CNTNAP2: variants seen among roughly 807,000 people sequenced by gnomAD.
The protein encoded by CNTNAP2 is contactin-associated protein-like 2.
Under a neutral mutation model 155.2 loss-of-function variants are expected in CNTNAP2, and 98 were observed. The observed-to-expected ratio is 0.63, with a 90% CI of 0.54 to 0.75. The LOEUF (loss-of-function observed/expected upper bound fraction) is 0.75, where lower values mean the gene tolerates loss of function less well. Among genes scored for constraint, CNTNAP2 ranks in the 30% least tolerant of loss-of-function variants. CNTNAP2 has a pLI of 0.00. For synonymous variants in CNTNAP2, 651 were observed against 631.2 expected (o/e 1.03, Z -0.47); for missense variants, 1,727 against 1,688.1 (o/e 1.02, Z -0.40).
chr7:146,374,926 T>C (rs1214790570), intron 1 of CNTNAP2, among the ~76,000 whole-genome samples: 2 of 152,226 alleles, frequency 1.3e-5, no homozygotes, highest in African/African-American at 2.4e-5. Context: ...TACGCTGATA[T>C]GCTAGTTTAA....
chr7:147,328,699 TC>T (rs1795503615), intron 9 of CNTNAP2, among the ~76,000 whole-genome samples: 1 of 152,222 alleles, frequency 6.6e-6, no homozygotes, highest in Admixed American at 6.5e-5. Context: ...CAAGAGGCTT[TC>T]ACTGACAAGT....
chr7:147,281,320 T>G (rs1484172711), intron 8 of CNTNAP2, among the ~76,000 whole-genome samples: 1 of 151,834 alleles, frequency 6.6e-6, no homozygotes, highest in Non-Finnish European at 1.5e-5. Context: ...TTCACCAGAT[T>G]TACAAAATGG....
chr7:147,243,078 A>G lies in CNTNAP2; in HGVS notation c.1349-57063A>G, dbSNP rs574566947. Among the ~76,000 whole-genome samples, 39 of 129,036 alleles carry G rather than the reference A, an allele frequency of 3.0e-4. 1 individual carries two copies. In the South Asian group the frequency reaches 8.9e-3, roughly 29 times the overall value. 84.7% of individuals were successfully genotyped at this position (129,036 alleles called of 152,430 possible). A position where few individuals can be genotyped will look rare whatever the true frequency, so the allele number is the denominator to read the frequency against. On this transcript the variant is annotated intron_variant, in intron 8 of 23. Coordinates refer to ENST00000361727, the MANE Select transcript of CNTNAP2 (RefSeq NM_014141.6). Reference sequence around the variant, plus strand: ...AGTGGTGCGATCCTAGCTCACTGCAACCTCCGTCTCCTGGTTTCAAGTGAT... The same window carrying G: ...AGTGGTGCGATCCTAGCTCACTGCAGCCTCCGTCTCCTGGTTTCAAGTGAT...
intron 20 of CNTNAP2, among the ~76,000 whole-genome samples, chr7:148,237,454 G>A (rs908194186): frequency 4.6e-5 from 7 of 152,176 alleles, no homozygotes; most frequent in African/African-American, 1.7e-4. Flanking sequence ...TATTATGGAA[G>A]AGGGAGAAGG....
chr7:148,183,475 C>CTTTTTT (rs71527885), intron 18 of CNTNAP2, among the ~76,000 whole-genome samples: 25 of 82,244 alleles, frequency 3.0e-4, no homozygotes, highest in East Asian at 3.9e-4. Context: ...TACTTATTTG[C>CTTTTTT]TTTTTTTTTT....
At chr7:146,625,727 C>A (rs1438499251) in intron 1 of CNTNAP2, among the ~76,000 whole-genome samples, 3 of 151,900 alleles carry the variant, frequency 2.0e-5, no homozygotes, top group African/African-American at 7.2e-5. Context: ...GGTTGGTTTT[C>A]AAAAGACCAT....
At chr7:148,367,295 G>T (rs1373527791) in intron 21 of CNTNAP2, among the ~76,000 whole-genome samples, 1 of 152,062 alleles carries the variant, frequency 6.6e-6, no homozygotes, top group African/African-American at 2.4e-5. Context: ...TATCCATGGG[G>T]TTCAGTAGGC....
At chr7:147,692,927 G>A (rs1045874171) in intron 13 of CNTNAP2, among the ~76,000 whole-genome samples, 3 of 151,952 alleles carry the variant, frequency 2.0e-5, no homozygotes, top group Admixed American at 1.3e-4. Context: ...ACCATAGGTC[G>A]TCTAGATTTT....
chr7:147,632,678 G>T (rs1288678551), intron 12 of CNTNAP2, among the ~76,000 whole-genome samples: 3 of 152,274 alleles, frequency 2.0e-5, no homozygotes, highest in Admixed American at 1.3e-4. Context: ...GTGGGGTGCT[G>T]CTGTAAAGAT....
chr7:147,007,416 C>A (rs987191160), intron 3 of CNTNAP2, among the ~76,000 whole-genome samples: 1 of 152,092 alleles, frequency 6.6e-6, no homozygotes, highest in Non-Finnish European at 1.5e-5. Context: ...ACCTGTCTAT[C>A]TAGCTACCTA....
chr7:148,161,289 G>A (rs373282471), intron 17 of CNTNAP2, among the ~76,000 whole-genome samples: 6 of 152,058 alleles, frequency 3.9e-5, no homozygotes, highest in African/African-American at 1.2e-4. Flanking sequence ...GCTGCTTCTT[G>A]CCCTTATTTC....
intron 3 of CNTNAP2, among the ~76,000 whole-genome samples, chr7:146,920,963 TA>T (rs1298737516): frequency 6.6e-6 from 1 of 152,174 alleles, no homozygotes; most frequent in East Asian, 1.9e-4. Flanking sequence ...TAAATTAAGA[TA>T]ATAAATGGTA....
intron 14 of CNTNAP2, among the ~76,000 whole-genome samples, chr7:147,963,439 T>A (rs184953387): frequency 6.6e-6 from 1 of 152,152 alleles, no homozygotes; most frequent in East Asian, 1.9e-4. Flanking sequence ...ATAGAAGATA[T>A]AACAACTTTA....
At chr7:147,679,456 T>C (rs1251746912) in intron 13 of CNTNAP2, among the ~76,000 whole-genome samples, 2 of 151,902 alleles carry the variant, frequency 1.3e-5, no homozygotes, top group African/African-American at 4.8e-5. Flanking sequence ...AGAAATGGAT[T>C]GAGGAAGTAG....
intron 3 of CNTNAP2, among the ~76,000 whole-genome samples, chr7:147,022,202 T>C (rs1025494501): frequency 6.6e-6 from 1 of 152,162 alleles, no homozygotes; most frequent in Non-Finnish European, 1.5e-5. Flanking sequence ...TTTATTTCTT[T>C]GGTCTGATTT....
At chr7:147,922,268 A>G (rs1479407448) in intron 14 of CNTNAP2, among the ~76,000 whole-genome samples, 2 of 152,208 alleles carry the variant, frequency 1.3e-5, no homozygotes, top group African/African-American at 4.8e-5. Context: ...CAGCCCTCAC[A>G]TTTCTAAATG....
At chr7:147,542,779 C>T (rs1562988793) in intron 11 of CNTNAP2, among the ~76,000 whole-genome samples, 1 of 152,114 alleles carries the variant, frequency 6.6e-6, no homozygotes, top group Non-Finnish European at 1.5e-5. Flanking sequence ...AGTTATTTCT[C>T]TATATTGTCA....
intron 4 of CNTNAP2, among the ~76,000 whole-genome samples, chr7:147,060,874 TAGAAAA>T (rs1563061486): frequency 2.7e-5 from 4 of 149,006 alleles, no homozygotes; most frequent in East Asian, 2.0e-4. Context: ...AAAAAAAAAA[TAGAAAA>T]AGAAAAAGAA....
chr7:146,297,227 T>G (rs1049667697), intron 1 of CNTNAP2, among the ~76,000 whole-genome samples: 2 of 152,124 alleles, frequency 1.3e-5, no homozygotes, highest in Non-Finnish European at 2.9e-5. Flanking sequence ...AATTTCCCAG[T>G]GCATTTCCTA....
Sources: gnomAD v4.1 joint callset for allele counts (sites outside exome capture counted in the v4.1 genomes callset) on GRCh38, gnomAD v4.1.1 for gene constraint, MANE v1.5 for transcripts, NCBI Gene and HGNC (gene_info 2026-07-23, HGNC 2026-07-21) for gene names.